Variants in CA10 observed in about 807,000 individuals in gnomAD.
CA10 encodes carbonic anhydrase-related protein 10.
Under a neutral mutation model 44.2 loss-of-function variants are expected in CA10, and 14 were observed. That is an observed-to-expected ratio of 0.32 (90% CI 0.21 to 0.50). The LOEUF is 0.50. Ranked by LOEUF, CA10 falls within the 20% of genes least tolerant of loss-of-function variation. The pLI is 0.99. For missense variants in CA10, 350 were observed against 409.7 expected (o/e 0.85, Z 1.26); for synonymous variants, 159 against 141.6 (o/e 1.12, Z -0.87).
chr17:51,665,186 G>T (rs1567794810), intron 4 of CA10, among the ~76,000 whole-genome samples: 1 of 152,154 alleles, frequency 6.6e-6, no homozygotes, highest in Non-Finnish European at 1.5e-5. Flanking sequence ...ACAAAACTAG[G>T]CTTGGTTTTG....
Position 51,972,776 on chromosome 17 carries a change from G to GA in CA10, c.137-41645dup, listed in dbSNP as rs568126311. On this transcript the variant is annotated intron_variant, in intron 2 of 8. Transcript: ENST00000451037. Reference sequence around the variant, plus strand: ...GTAAGTAAAGGAGAGAAGTAATAAAGAAAAAAAAAACAGAAATCTAAAACC... The same window carrying GA: ...GTAAGTAAAGGAGAGAAGTAATAAAGAAAAAAAAAAACAGAAATCTAAAACC... 2.2e-3 allele frequency among the ~76,000 whole-genome samples: 319 copies of GA among 143,752 alleles called. 5 individuals carry two copies. The South Asian group carries it at 0.024, about 11-fold the overall frequency. The allele number at this position is 143,752 out of a possible 152,430, so 94.3% of individuals were successfully genotyped here. A position where few individuals can be genotyped will look rare whatever the true frequency, so the allele number is the denominator to read the frequency against.
At chr17:51,836,459 G>A (rs1218061136) in intron 3 of CA10, among the ~76,000 whole-genome samples, 2 of 152,212 alleles carry the variant, frequency 1.3e-5, no homozygotes, top group Non-Finnish European at 2.9e-5. Context: ...TTTGCAGTGA[G>A]CTCACAGGAT....
At chr17:52,137,472 C>G (rs975247689) in intron 1 of CA10, among the ~76,000 whole-genome samples, 3 of 152,080 alleles carry the variant, frequency 2.0e-5, no homozygotes, top group Admixed American at 1.3e-4. Flanking sequence ...CATCCTAACT[C>G]CCATTGTTCA....
intron 2 of CA10, among the ~76,000 whole-genome samples, chr17:52,069,423 C>G (rs1158012544): frequency 1.3e-5 from 2 of 152,168 alleles, no homozygotes; most frequent in Non-Finnish European, 2.9e-5. Context: ...GCCTGCAAGA[C>G]AGACTCTAGT....
intron 4 of CA10, among the ~76,000 whole-genome samples, chr17:51,724,928 G>A (rs1369808973): frequency 6.6e-6 from 1 of 152,228 alleles, no homozygotes; most frequent in Non-Finnish European, 1.5e-5. Flanking sequence ...AGTCATAACA[G>A]TTTTCACTGT....
intron 3 of CA10, among the ~76,000 whole-genome samples, chr17:51,878,685 T>C (rs891202504): frequency 6.6e-6 from 1 of 151,566 alleles, no homozygotes; most frequent in Admixed American, 6.6e-5. Flanking sequence ...AATCAGATTA[T>C]TGCATGTATT....
intron 1 of CA10, among the ~76,000 whole-genome samples, chr17:52,092,316 C>A (rs1988288375): frequency 1.3e-5 from 2 of 152,216 alleles, no homozygotes; most frequent in South Asian, 4.2e-4. Flanking sequence ...TTAATTCAAG[C>A]CATTCAGCAA....
In CA10 at chr17:52,118,241, C is replaced by T. The variant is rs140046080; in HGVS notation, c.61+39485G>A. 8.8e-3 allele frequency among the ~76,000 whole-genome samples: 1,345 copies of T among 152,160 alleles called. 11 individuals carry two copies. The highest frequency in any genetic ancestry group is 0.014 in the Middle Eastern group (4 of 294). ...TTCTCTCCCTTGTACAAGATTTTCA[C>T]GTACTAGTAAAGGATAATGAGCGAT... On this transcript the variant is annotated intron_variant, in intron 1 of 8. Coordinates refer to ENST00000451037, the MANE Select transcript of CA10 (RefSeq NM_020178.5).
At chr17:51,761,023 C>T (rs893475830) in intron 3 of CA10, among the ~76,000 whole-genome samples, 1 of 152,174 alleles carries the variant, frequency 6.6e-6, no homozygotes, top group Non-Finnish European at 1.5e-5. Context: ...TGGCTAGTGG[C>T]TGCCATACTG....
chr17:51,990,732 C>G (rs1413533650), intron 2 of CA10, among the ~76,000 whole-genome samples: 1 of 152,080 alleles, frequency 6.6e-6, no homozygotes, highest in Admixed American at 6.6e-5. Flanking sequence ...AATTTCAACT[C>G]TCTATTTCTC....
At chr17:51,742,442 G>A (rs1245370340) in intron 4 of CA10, among the ~76,000 whole-genome samples, 1 of 152,140 alleles carries the variant, frequency 6.6e-6, no homozygotes, top group Non-Finnish European at 1.5e-5. Flanking sequence ...GTTCTCCTCA[G>A]CACTTTTCAT....
intron 4 of CA10, among the ~76,000 whole-genome samples, chr17:51,708,069 T>G (rs1915816716): frequency 6.6e-6 from 1 of 152,268 alleles, no homozygotes; most frequent in African/African-American, 2.4e-5. Context: ...AGACGTGATC[T>G]GTCCTTGCTG....
At chr17:51,637,600 C>T (rs1912888689) in intron 6 of CA10, among the ~76,000 whole-genome samples, 1 of 152,196 alleles carries the variant, frequency 6.6e-6, no homozygotes, top group Admixed American at 6.5e-5. Context: ...GAGGGAACCT[C>T]TTCAGTTTAG....
intron 3 of CA10, among the ~76,000 whole-genome samples, chr17:51,884,087 G>T (rs1980491258): frequency 6.6e-6 from 1 of 152,046 alleles, no homozygotes; most frequent in African/African-American, 2.4e-5. Flanking sequence ...AGCAAAATTT[G>T]TTGACTCTAC....
intron 2 of CA10, among the ~76,000 whole-genome samples, chr17:51,934,247 C>T (rs868374356): frequency 4.4e-4 from 67 of 152,122 alleles, no homozygotes; most frequent in South Asian, 6.2e-4. Context: ...GGATTTAAGG[C>T]CATAGAGGCA....
chr17:51,734,204 CA>C (rs1450771598), intron 4 of CA10, among the ~76,000 whole-genome samples: 1 of 147,786 alleles, frequency 6.8e-6, no homozygotes, highest in African/African-American at 2.5e-5. Flanking sequence ...CAATGTAACA[CA>C]AATAATTTAT....
At chr17:51,692,284 A>G (rs1441821978) in intron 4 of CA10, among the ~76,000 whole-genome samples, 3 of 106,532 alleles carry the variant, frequency 2.8e-5, no homozygotes, top group Non-Finnish European at 3.9e-5. Flanking sequence ...TGATTTCTTG[A>G]TTCCTTTTTC....
At chr17:51,787,984 T>C in intron 3 of CA10, among the ~76,000 whole-genome samples, 1 of 152,216 alleles carries the variant, frequency 6.6e-6, no homozygotes, top group East Asian at 1.9e-4. Flanking sequence ...ATTATTTCTT[T>C]TCTTCTACTA....
intron 2 of CA10, among the ~76,000 whole-genome samples, chr17:51,959,042 T>C (rs1983769851): frequency 6.6e-6 from 1 of 152,026 alleles, no homozygotes; most frequent in Non-Finnish European, 1.5e-5. Context: ...ATCCTCCAGC[T>C]TGGACTCTAG....
Sources: gnomAD v4.1 joint callset for allele counts (sites outside exome capture counted in the v4.1 genomes callset) on GRCh38, gnomAD v4.1.1 for gene constraint, MANE v1.5 for transcripts, NCBI Gene and HGNC (gene_info 2026-07-23, HGNC 2026-07-21) for gene names.